Variants in IGSF10 observed in about 807,000 individuals in gnomAD.
The protein encoded by IGSF10 is calvaria mechanical force protein 608.
IGSF10 carries 126 observed loss-of-function variants against 128.2 expected under a neutral mutation model. That is an observed-to-expected ratio of 0.98 (90% CI 0.85 to 1.14). The LOEUF (loss-of-function observed/expected upper bound fraction) is 1.14, where lower values mean the gene tolerates loss of function less well. Among genes scored for constraint, IGSF10 ranks in the 50% most tolerant of loss-of-function variants. The pLI is 0.00. For synonymous variants in IGSF10, 1,185 were observed against 1,146.2 expected, an observed-to-expected ratio of 1.03 and a Z score of -0.68; for missense variants, 3,295 against 3,149.8, an observed-to-expected ratio of 1.05 and a Z score of -1.10.
the IGSF10 span, among the ~76,000 whole-genome samples, chr3:151,509,357 AG>A: frequency 1.3e-5 from 2 of 152,358 alleles, no homozygotes; most frequent in East Asian, 3.9e-4. Context: ...ATCAGTTATC[AG>A]TGCTATACAC....
At chr3:151,485,094 G>T in the IGSF10 span, among the ~76,000 whole-genome samples, 7 of 152,130 alleles carry the variant, frequency 4.6e-5, no homozygotes, top group African/African-American at 1.4e-4. Flanking sequence ...AATCGGTTTA[G>T]AGAAAAACAT....
At chr3:151,579,811 T>C in the IGSF10 span, among the ~76,000 whole-genome samples, 1 of 116,542 alleles carries the variant, frequency 8.6e-6, no homozygotes, top group African/African-American at 3.1e-5. Flanking sequence ...AGAATAAATA[T>C]TACGAAGGAA....
the IGSF10 span, among the ~76,000 whole-genome samples, chr3:151,572,698 T>A: frequency 6.6e-6 from 1 of 150,470 alleles, no homozygotes; most frequent in African/African-American, 2.5e-5. Context: ...TTTTGAAGGG[T>A]TTTTTTGTGT....
At chr3:151,547,005 C>T in the IGSF10 span, among the ~76,000 whole-genome samples, 19 of 91,484 alleles carry the variant, frequency 2.1e-4, no homozygotes, top group East Asian at 3.1e-4. Flanking sequence ...TTCTGACCTC[C>T]GGCGATCCAC....
the IGSF10 span, among the ~76,000 whole-genome samples, chr3:151,474,343 G>T: frequency 6.6e-5 from 10 of 152,152 alleles, no homozygotes; most frequent in African/African-American, 2.2e-4. Context: ...TCAAGAGAAA[G>T]GAACCCATGA....
At chr3:151,508,242 TACA>T in the IGSF10 span, among the ~76,000 whole-genome samples, 1 of 152,060 alleles carries the variant, frequency 6.6e-6, no homozygotes, top group Non-Finnish European at 1.5e-5. Flanking sequence ...AAAAAATAGA[TACA>T]ACAAGATAAA....
At chr3:151,596,480 G>A in the IGSF10 span, among the ~76,000 whole-genome samples, 1 of 16,430 alleles carries the variant, frequency 6.1e-5, no homozygotes, top group African/African-American at 3.8e-4. Flanking sequence ...TGGTGTTTAT[G>A]TGTGTGTGTG....
At position 151,448,027 on chromosome 3, in the gene IGSF10, C is replaced by T; in HGVS notation, c.1954G>A (p.Gly652Arg). ...ACTTGGAAAATCAAAAAATCAACCC[C>T]TGATGGGTTGGCTGCCACACAGCGA... The part of the protein sequence containing the change: ...YYRCVAANPS[G>R]VDFLIFQVSV... The change falls in exon 6 of 8, where the codon GGG becomes AGG. Residue 652 changes from glycine (G) to arginine (R), a missense_variant. Coordinates refer to ENST00000282466, the MANE Select transcript of IGSF10 (RefSeq NM_178822.5). 1 of 1,614,148 alleles carries T rather than the reference C, an allele frequency of 6.2e-7. No individual in the cohort carries two copies. Among genetic ancestry groups the T allele is most frequent in the East Asian group, 2.2e-5 (1 of 44,882 alleles).
At chr3:151,546,776 T>G in the IGSF10 span, among the ~76,000 whole-genome samples, 1 of 152,182 alleles carries the variant, frequency 6.6e-6, no homozygotes, top group Non-Finnish European at 1.5e-5. Flanking sequence ...TTCTCCATAT[T>G]TCTTTTTTTT....
chr3:151,548,996 G>A, the IGSF10 span, among the ~76,000 whole-genome samples: 111,003 of 151,996 alleles, frequency 0.73, 40,722 homozygotes, highest in African/African-American at 0.8. Context: ...ATACTAGGAT[G>A]TTAGTAATCA....
At chr3:151,436,037 C>G (rs1720146630), downstream of IGSF10, 1 of 151,984 alleles carries the variant, frequency 6.6e-6, no homozygotes, top group Non-Finnish European at 1.5e-5. Flanking sequence ...CAAAAATAAC[C>G]CCCTTTTCAC....
At chr3:151,529,864 C>T in the IGSF10 span, among the ~76,000 whole-genome samples, 1 of 152,040 alleles carries the variant, frequency 6.6e-6, no homozygotes, top group East Asian at 1.9e-4. Context: ...ATGAGTTTGA[C>T]GAATTGACAG....
Position 151,445,351 on chromosome 3 carries a change from A to G in IGSF10, c.4630T>C (p.Ser1544Pro). The G allele has an allele frequency of 6.2e-7, 1 of 1,614,168 alleles. No homozygotes were observed. The highest frequency in any genetic ancestry group is 1.1e-5 in the South Asian group (1 of 91,088). Residue 1544 changes from serine to proline, a missense_variant, in exon 6 of 8, where the codon TCT (serine) becomes CCT (proline). Physicochemically the swap from Ser to Pro is moderately conservative, Grantham distance 74. Transcript: ENST00000282466. ...FTIGTTHFIY[S>P]NLLHSTPMPA... is the part of the protein sequence containing the mutation. ...ATGGGAGTAGAATGTAACAGATTAG[A>G]GTAGATGAAGTGAGTGGTTCCAATT...
the IGSF10 span, among the ~76,000 whole-genome samples, chr3:151,584,211 CT>C: frequency 6.6e-6 from 1 of 152,134 alleles, no homozygotes; most frequent in African/African-American, 2.4e-5. Context: ...TTCTTCTCAT[CT>C]TTAGGAATGT....
At chr3:151,572,312 T>TA in the IGSF10 span, among the ~76,000 whole-genome samples, 1 of 152,252 alleles carries the variant, frequency 6.6e-6, no homozygotes, top group Non-Finnish European at 1.5e-5. Flanking sequence ...CTCCTCTTTG[T>TA]ACCTCTGGTA....
chr3:151,480,246 C>T, the IGSF10 span, among the ~76,000 whole-genome samples: 1 of 151,920 alleles, frequency 6.6e-6, no homozygotes, highest in African/African-American at 2.4e-5. Flanking sequence ...CTGCAGAGCA[C>T]AGAAATCCAG....
At chr3:151,546,478 G>C in the IGSF10 span, among the ~76,000 whole-genome samples, 1 of 151,820 alleles carries the variant, frequency 6.6e-6, no homozygotes, top group Non-Finnish European at 1.5e-5. Flanking sequence ...CTCCTGGGTA[G>C]CTGGGAGTAC....
chr3:151,444,199 C>T (rs1318496088), intron 6 of IGSF10, among the ~76,000 whole-genome samples: 3 of 151,990 alleles, frequency 2.0e-5, no homozygotes, highest in Admixed American at 6.6e-5. Context: ...ATTGCTTGAG[C>T]CCCTGGAGAC....
the IGSF10 span, among the ~76,000 whole-genome samples, chr3:151,574,197 G>A: frequency 6.6e-6 from 1 of 152,030 alleles, no homozygotes; most frequent in Non-Finnish European, 1.5e-5. Flanking sequence ...TATGTGTCTT[G>A]GGGTTGCTCT....
Sources: gnomAD v4.1 joint callset for allele counts (sites outside exome capture counted in the v4.1 genomes callset) on GRCh38, gnomAD v4.1.1 for gene constraint, MANE v1.5 for transcripts, NCBI Gene and HGNC (gene_info 2026-07-23, HGNC 2026-07-21) for gene names.